CCND1: variants seen among roughly 807,000 people sequenced by gnomAD.
CCND1 encodes cyclin D1.
In CCND1, 9 loss-of-function variants were observed where a neutral mutation model predicts 26.1. The ratio of observed to expected loss-of-function variants is 0.35; its 90% CI spans 0.21 to 0.60. The LOEUF (loss-of-function observed/expected upper bound fraction) is 0.60, where lower values mean the gene tolerates loss of function less well. CCND1 is among the 20% of genes least tolerant of loss of function. The pLI is 0.79. For synonymous variants in CCND1, 194 were observed against 166.1 expected (o/e 1.17, Z -1.29); for missense variants, 335 against 392.9 (o/e 0.85, Z 1.25).
chr11:69,649,107 G>C (rs1243705580), intron 4 of CCND1, among the ~76,000 whole-genome samples: 1 of 152,206 alleles, frequency 6.6e-6, no homozygotes, highest in Non-Finnish European at 1.5e-5. Flanking sequence ...TTATCCTTTG[G>C]GGGTGGTGAG....
intron 3 of CCND1, chr11:69,644,331 G>T (rs1565071557): frequency 9.4e-6 from 3 of 320,640 alleles, no homozygotes; most frequent in African/African-American, 2.1e-5. Flanking sequence ...CCACAGGGCC[G>T]CCTCCTTTCT....
chr11:69,644,295 T>A, intron 3 of CCND1: 1 of 423,530 alleles, frequency 2.4e-6, no homozygotes. Flanking sequence ...CTGTGGCCAC[T>A]CCATGCTGAA....
At chr11:69,643,467 T>G in intron 2 of CCND1, 1 of 470,636 alleles carries the variant, frequency 2.1e-6, no homozygotes, top group South Asian at 4.2e-5. Flanking sequence ...TCCCACCGCG[T>G]TCGCGCCCCG....
Position 69,643,784 on chromosome 11 carries a change from C to T in CCND1, c.415-48C>T, listed in dbSNP as rs768149720. 22 of 1,563,134 alleles carry T rather than the reference C, an allele frequency of 1.4e-5. No homozygotes were observed. The Admixed American group carries it at 2.5e-4, about 17-fold the overall frequency. ...CGTGCTGCCGGCTTCCCCGCGCCCC[C>T]GGGCTGGCCCGCACCTCCCCTGATG... On this transcript the variant is annotated intron_variant, in intron 2 of 4. Transcript: ENST00000227507.
Position 69,653,215 on chromosome 11 carries a change from ACAGGCCG to A in CCND1, c.*1937_*1943del. On this transcript the variant is annotated 3_prime_UTR_variant, in exon 5 of 5. Transcript: ENST00000227507. ...GGAAGGGGCGGTGCCCACACCGGGGACAGGCCGCAGCTCCATTTTCTTATTGCGCTGC... is the reference window on the plus strand; with the variant it reads ...GGAAGGGGCGGTGCCCACACCGGGGACAGCTCCATTTTCTTATTGCGCTGC... 1.4e-6 allele frequency: 1 copy of A among 697,392 alleles called. No homozygotes were observed. The highest frequency in any genetic ancestry group is 1.8e-5 in the African/African-American group (1 of 57,118). 43.2% of individuals were successfully genotyped at this position (697,392 alleles called of 1,614,324 possible).
chr11:69,650,326 G>A lies in CCND1; in HGVS notation c.724-792G>A, dbSNP rs3918302. 7.6e-3 allele frequency among the ~76,000 whole-genome samples: 1,158 copies of A among 152,368 alleles called. 14 individuals are homozygous for A. The highest frequency in any genetic ancestry group is 0.026 in the African/African-American group (1,066 of 41,594). ...ACTTCAGGCTGCGTGGGACTTGCCCGTGGTGGAGCCTAGGAGAGGCCCCTG... is the reference window on the plus strand; with the variant it reads ...ACTTCAGGCTGCGTGGGACTTGCCCATGGTGGAGCCTAGGAGAGGCCCCTG... On this transcript the variant is annotated intron_variant, in intron 4 of 4. Coordinates refer to ENST00000227507, the MANE Select transcript of CCND1 (RefSeq NM_053056.3).
intron 2 of CCND1, 136 bp downstream of exon 2, chr11:69,643,382 G>A (rs969982220): frequency 7.8e-6 from 5 of 642,850 alleles, no homozygotes; most frequent in Non-Finnish European, 1.2e-5. Context: ...CCCCGCCGCC[G>A]GGCGTCCCTG....
At position 69,653,357 on chromosome 11, in the gene CCND1, T is replaced by C. The variant is rs1264693835; in HGVS notation, c.*2075T>C. ...CAGTTTTTTGTTTTACAATGTCATATACTGCCATGTACTAGTTTTAGTTTT... is the reference window on the plus strand; with the variant it reads ...CAGTTTTTTGTTTTACAATGTCATACACTGCCATGTACTAGTTTTAGTTTT... On this transcript the variant is annotated 3_prime_UTR_variant, in exon 5 of 5. Transcript: ENST00000227507. 3 of 700,990 alleles carry C rather than the reference T, an allele frequency of 4.3e-6. No homozygotes were observed. In the Admixed American group the frequency reaches 6.1e-5, roughly 14 times the overall value. 43.4% of individuals were successfully genotyped at this position (700,990 alleles called of 1,614,324 possible). A position where few individuals can be genotyped will look rare whatever the true frequency, so the allele number is the denominator to read the frequency against.
At position 69,652,572 on chromosome 11, in the gene CCND1, A is replaced by G. The variant is rs1283929898; in HGVS notation, c.*1290A>G. On this transcript the variant is annotated 3_prime_UTR_variant, in exon 5 of 5. Transcript: ENST00000227507. Reference sequence around the variant, plus strand: ...GAAGTTTAGGAATCCTTTGGTGCCAACTGGTGTTTGAAAGTAGGGACCTCA... The same window carrying G: ...GAAGTTTAGGAATCCTTTGGTGCCAGCTGGTGTTTGAAAGTAGGGACCTCA... 4.3e-6 allele frequency: 1 copy of G among 233,308 alleles called. No homozygotes were observed. Among genetic ancestry groups the G allele is most frequent in the Non-Finnish European group, 8.5e-6 (1 of 118,062 alleles). The allele number at this position is 233,308 out of a possible 1,614,324, so 14.5% of individuals were successfully genotyped here.
chr11:69,654,351 GCTGGGTCTGTGCATTT>G lies in CCND1; in HGVS notation c.*3074_*3089del, dbSNP rs757993935. ...AGTCTGAGGGTCTGGGCGGCGGGCG[GCTGGGTCTGTGCATTT>G]CTGGTTGCACCGCGGCGCTTCCCAG... On this transcript the variant is annotated 3_prime_UTR_variant, in exon 5 of 5. Coordinates refer to ENST00000227507, the MANE Select transcript of CCND1 (RefSeq NM_053056.3). The surrounding 1 kb of genome is among the most constrained non-coding windows in gnomAD (Gnocchi z 6.3). 2 of 702,530 alleles carry G rather than the reference GCTGGGTCTGTGCATTT, an allele frequency of 2.8e-6. No homozygotes were observed. Among genetic ancestry groups the G allele is most frequent in the South Asian group, 3.0e-5 (2 of 67,590 alleles). The allele number at this position is 702,530 out of a possible 1,614,324, so 43.5% of individuals were successfully genotyped here.
chr11:69,652,116 G>A lies in CCND1; in HGVS notation c.*834G>A, dbSNP rs3212895. On this transcript the variant is annotated 3_prime_UTR_variant, in exon 5 of 5. Coordinates refer to ENST00000227507, the MANE Select transcript of CCND1 (RefSeq NM_053056.3). ...CACTCCTACGATACGCTACTATAAA[G>A]AGAAGACGAAATAGTGACATAATAT... 5.4e-3 allele frequency: 1,258 copies of A among 233,514 alleles called. 8 individuals are homozygous for A. The highest frequency in any genetic ancestry group is 0.025 in the African/African-American group (1,154 of 45,434). 14.5% of individuals were successfully genotyped at this position (233,514 alleles called of 1,614,324 possible).
chr11:69,642,917 C>T (rs1047423880), intron 1 of CCND1, 114 bp from the exon 2 acceptor site: 19 of 607,442 alleles, frequency 3.1e-5, no homozygotes, highest in Middle Eastern at 4.6e-4. Flanking sequence ...CCAGCCCCGA[C>T]CCCTCGGCGC....
rs1855851020 is a variant in CCND1, at chr11:69,651,229, G to A, written c.835G>A (p.Glu279Lys). Residue 279 changes from glutamate (E) to lysine (K), a missense_variant, in exon 5 of 5, where the codon GAG becomes AAG. Physicochemically the swap from Glu to Lys is moderately conservative, Grantham distance 56. Transcript: ENST00000227507. ...KAAEEEEEEE[E>K]EVDLACTPTD... ...CGCCGAGGAGGAGGAAGAGGAGGAG[G>A]AGGAGGTGGACCTGGCTTGCACACC... 6.2e-7 allele frequency: 1 copy of A among 1,601,234 alleles called. No homozygotes were observed. The highest frequency in any genetic ancestry group is 8.5e-7 in the Non-Finnish European group (1 of 1,172,652).
Position 69,650,985 on chromosome 11 carries a change from G to C in CCND1, c.724-133G>C, listed in dbSNP as rs1590916500. 26 of 739,314 alleles carry C rather than the reference G, an allele frequency of 3.5e-5. No homozygotes were observed. In the East Asian group the frequency reaches 8.4e-4, roughly 24 times the overall value. The allele number at this position is 739,314 out of a possible 1,614,324, so 45.8% of individuals were successfully genotyped here. A position where few individuals can be genotyped will look rare whatever the true frequency, so the allele number is the denominator to read the frequency against. On this transcript the variant is annotated intron_variant, in intron 4 of 4. Coordinates refer to ENST00000227507, the MANE Select transcript of CCND1 (RefSeq NM_053056.3). The stretch of plus-strand genomic sequence containing the variant: ...CTCAGGTTCAGAGGAGGCAGCATGG[G>C]CCGAGGGACAGTTTTTGGCTTAGTC...
At position 69,643,395 on chromosome 11, in the gene CCND1, C is replaced by G. The variant is rs763779953; in HGVS notation, c.414+149C>G. On this transcript the variant is annotated intron_variant, in intron 2 of 4. Coordinates refer to ENST00000227507, the MANE Select transcript of CCND1 (RefSeq NM_053056.3). ...GGCCCCGCCGCCGGGCGTCCCTGTC[C>G]GGGGAGCGGGCGGGATCCTAGCCGC... 110 of 595,106 alleles carry G rather than the reference C, an allele frequency of 1.8e-4. 1 individual carries two copies. The highest frequency in any genetic ancestry group is 1.2e-4 in the Admixed American group (3 of 24,698). 36.9% of individuals were successfully genotyped at this position (595,106 alleles called of 1,614,324 possible).
intron 3 of CCND1, chr11:69,644,199 C>A: frequency 1.6e-6 from 1 of 607,708 alleles, no homozygotes; most frequent in Admixed American, 2.6e-5. Context: ...CCCTCACGGC[C>A]ACCATGCAGT....
intron 4 of CCND1, among the ~76,000 whole-genome samples, chr11:69,650,224 C>G (rs1183430957): frequency 6.6e-6 from 1 of 152,236 alleles, no homozygotes; most frequent in African/African-American, 2.4e-5. Context: ...AGCGTGGCTT[C>G]CTGGCAGTTG....
chr11:69,649,423 C>T (rs557423780), intron 4 of CCND1, among the ~76,000 whole-genome samples: 3 of 152,172 alleles, frequency 2.0e-5, no homozygotes, highest in African/African-American at 2.4e-5. Context: ...GACAGACACA[C>T]GGGGTGAAGT....
chr11:69,643,364 G>A (rs1855735404), intron 2 of CCND1, 118 bp downstream of exon 2: 2 of 775,090 alleles, frequency 2.6e-6, no homozygotes, highest in Non-Finnish European at 3.8e-6. Flanking sequence ...TCCTCCGAGG[G>A]AGGGCGGCCC....
Sources: allele counts gnomAD v4.1 joint callset (sites outside exome capture counted in the v4.1 genomes callset), GRCh38; gene constraint gnomAD v4.1.1; non-coding constraint Gnocchi (gnomAD v3.1); transcripts MANE v1.5; gene names NCBI Gene and HGNC (gene_info 2026-07-23, HGNC 2026-07-21).